The following SPATA16 variants were observed in gnomAD, a reference collection of about 807,000 sequenced individuals.
SPATA16 encodes the protein spermatogenesis-associated protein 16.
SPATA16 carries 36 observed loss-of-function variants against 63.3 expected under a neutral mutation model. That is an observed-to-expected ratio of 0.57 (90% CI 0.44 to 0.75). The LOEUF is 0.75. Among genes scored for constraint, SPATA16 ranks in the 30% least tolerant of loss-of-function variants. SPATA16 has a pLI of 0.00. For missense variants in SPATA16, 646 were observed against 679.3 expected (o/e 0.95, Z 0.54); for synonymous variants, 203 against 216.7 (o/e 0.94, Z 0.56).
At chr3:172,956,642 A>C in intron 6 of SPATA16, 35 bp downstream of exon 6, 1 of 1,603,154 alleles carries the variant, frequency 6.2e-7, no homozygotes, top group Non-Finnish European at 8.5e-7. Context: ...TTGAAACAAA[A>C]TATCAGCTGA....
chr3:173,008,274 A>G (rs1258853723), intron 4 of SPATA16, among the ~76,000 whole-genome samples: 1 of 152,084 alleles, frequency 6.6e-6, no homozygotes, highest in Admixed American at 6.5e-5. Context: ...TATTTACAAA[A>G]ATTTGTTTAT....
intron 3 of SPATA16, among the ~76,000 whole-genome samples, chr3:173,048,249 G>A (rs932424555): frequency 8.5e-5 from 13 of 152,106 alleles, no homozygotes; most frequent in East Asian, 5.8e-4. Context: ...CAAGGAAAGC[G>A]TTTGTTGAAA....
intron 4 of SPATA16, among the ~76,000 whole-genome samples, chr3:173,000,322 G>A (rs564472878): frequency 1.3e-5 from 2 of 152,280 alleles, no homozygotes; most frequent in South Asian, 4.1e-4. Context: ...CCAGTCTAAT[G>A]TATTTTGTTA....
chr3:172,922,810 T>C (rs542511072), intron 8 of SPATA16, among the ~76,000 whole-genome samples: 4 of 152,246 alleles, frequency 2.6e-5, no homozygotes, highest in African/African-American at 9.6e-5. Flanking sequence ...TAATCCCGGC[T>C]ACTCTGGAGG....
At chr3:173,028,611 A>G (rs574491872) in intron 3 of SPATA16, among the ~76,000 whole-genome samples, 62 of 152,190 alleles carry the variant, frequency 4.1e-4, no homozygotes, top group African/African-American at 1.5e-3. Context: ...TTAGTTATAA[A>G]CAATCATTTT....
chr3:172,903,098 C>T (rs1204839320), intron 10 of SPATA16, among the ~76,000 whole-genome samples: 2 of 152,150 alleles, frequency 1.3e-5, no homozygotes, highest in East Asian at 3.8e-4. Flanking sequence ...AGCTGTTATT[C>T]TGTTATTCTC....
chr3:173,006,636 A>T (rs13068352), intron 4 of SPATA16, among the ~76,000 whole-genome samples: 10,173 of 152,206 alleles, frequency 0.067, 513 homozygotes, highest in East Asian at 0.12. Flanking sequence ...AAAATCATAG[A>T]GTTCCCTGAC....
chr3:173,044,162 AT>A (rs1257629428), intron 3 of SPATA16, among the ~76,000 whole-genome samples: 1 of 152,006 alleles, frequency 6.6e-6, no homozygotes, highest in Admixed American at 6.6e-5. Context: ...TCCAGAAATT[AT>A]TTTTTATATC....
At chr3:173,125,637 A>C (rs76326900) in intron 1 of SPATA16, among the ~76,000 whole-genome samples, 16,539 of 152,260 alleles carry the variant, frequency 0.11, 1,151 homozygotes, top group East Asian at 0.32. Flanking sequence ...ATCATAGCTT[A>C]AATATTTGTT....
intron 2 of SPATA16, among the ~76,000 whole-genome samples, chr3:173,050,308 G>A (rs1046038566): frequency 3.3e-5 from 5 of 152,088 alleles, no homozygotes; most frequent in African/African-American, 1.2e-4. Context: ...TCCACAGTCT[G>A]AATTGGTAGT....
chr3:172,924,505 T>C (rs1323553070), intron 7 of SPATA16, among the ~76,000 whole-genome samples, 188 bp from the exon 8 acceptor site: 6 of 152,176 alleles, frequency 3.9e-5, no homozygotes, highest in Non-Finnish European at 8.8e-5. Flanking sequence ...GCAGAGGAGA[T>C]GCTGCCCTTT....
intron 8 of SPATA16, among the ~76,000 whole-genome samples, chr3:172,918,594 T>C (rs1047891679): frequency 6.6e-6 from 1 of 152,010 alleles, no homozygotes; most frequent in African/African-American, 2.4e-5. Context: ...AAAATTGATA[T>C]CTAGTGTGGC....
intron 5 of SPATA16, among the ~76,000 whole-genome samples, chr3:172,960,844 A>G (rs1733732422): frequency 7.2e-6 from 1 of 139,212 alleles, no homozygotes; most frequent in African/African-American, 2.6e-5. Flanking sequence ...CATTTTCGGG[A>G]TGATAGAATT....
chr3:172,968,451 T>A (rs555434388), intron 5 of SPATA16, among the ~76,000 whole-genome samples: 1 of 152,186 alleles, frequency 6.6e-6, no homozygotes, highest in Non-Finnish European at 1.5e-5. Flanking sequence ...ACATGTTGGG[T>A]TGAAGTGGGG....
chr3:172,895,196 T>C (rs921441209), intron 10 of SPATA16, among the ~76,000 whole-genome samples: 1 of 152,218 alleles, frequency 6.6e-6, no homozygotes, highest in Non-Finnish European at 1.5e-5. Context: ...GATACTGACA[T>C]TGATACAGTC....
chr3:173,119,230 G>A (rs926168739), intron 1 of SPATA16, among the ~76,000 whole-genome samples: 2 of 152,066 alleles, frequency 1.3e-5, no homozygotes, highest in East Asian at 1.9e-4. Context: ...CCTAGATGAC[G>A]GGTTGATAGC....
At chr3:173,139,471 A>G (rs1326627899) in intron 1 of SPATA16, among the ~76,000 whole-genome samples, 2 of 152,212 alleles carry the variant, frequency 1.3e-5, no homozygotes, top group Non-Finnish European at 2.9e-5. Context: ...CATATTCTAC[A>G]CTAGTTGAAA....
At chr3:172,928,567 G>C (rs1395159157) in intron 6 of SPATA16, among the ~76,000 whole-genome samples, 1 of 152,138 alleles carries the variant, frequency 6.6e-6, no homozygotes, top group Non-Finnish European at 1.5e-5. Context: ...ATAGCATAAA[G>C]ACTTTGAATG....
intron 2 of SPATA16, among the ~76,000 whole-genome samples, chr3:173,068,725 A>G (rs1736586349): frequency 1.3e-5 from 2 of 152,112 alleles, no homozygotes; most frequent in Non-Finnish European, 2.9e-5. Flanking sequence ...ATAAATGCCT[A>G]CATCAAAAAA....
Sources: allele counts gnomAD v4.1 joint callset (sites outside exome capture counted in the v4.1 genomes callset), GRCh38; gene constraint gnomAD v4.1.1; transcripts MANE v1.5; gene names NCBI Gene and HGNC (gene_info 2026-07-23, HGNC 2026-07-21).